FAM227A: variants seen among roughly 807,000 people sequenced by gnomAD.
The protein encoded by FAM227A is protein FAM227A.
A neutral mutation model predicts 74.7 loss-of-function variants in FAM227A; 80 were observed. The ratio of observed to expected loss-of-function variants is 1.07; its 90% CI spans 0.89 to 1.29. The LOEUF is 1.29. Ranked by LOEUF, FAM227A falls within the 50% of genes most tolerant of loss-of-function variation. FAM227A has a pLI of 0.00. For synonymous variants in FAM227A, 237 were observed against 241.8 expected, an observed-to-expected ratio of 0.98 and a Z score of 0.19; for missense variants, 654 against 683.4, an observed-to-expected ratio of 0.96 and a Z score of 0.48.
intron 14 of FAM227A, among the ~76,000 whole-genome samples, chr22:38,599,504 G>A (rs949244233): frequency 6.6e-5 from 10 of 152,158 alleles, no homozygotes; most frequent in African/African-American, 2.2e-4. Context: ...ATTCTGGTAG[G>A]TGGAAAACAG....
intron 13 of FAM227A, among the ~76,000 whole-genome samples, chr22:38,601,466 C>G (rs965247212): frequency 6.6e-6 from 1 of 151,958 alleles, no homozygotes; most frequent in African/African-American, 2.4e-5. Flanking sequence ...GCAGAGGGAG[C>G]AGGTGCTGTG....
chr22:38,626,072 A>G, intron 9 of FAM227A, 108 bp downstream of exon 9: 1 of 1,118,838 alleles, frequency 8.9e-7, no homozygotes, highest in Non-Finnish European at 1.3e-6. Flanking sequence ...GAGAAAAGAG[A>G]GAATGCCTTC....
intron 3 of FAM227A, 57 bp from the exon 4 acceptor site, chr22:38,639,781 G>A: frequency 1.6e-6 from 2 of 1,234,848 alleles, no homozygotes; most frequent in Admixed American, 4.0e-5. Context: ...CTGGAGAAGG[G>A]TGGGGTTAGG....
At chr22:38,633,574 A>T (rs1407550646) in intron 6 of FAM227A, among the ~76,000 whole-genome samples, 1 of 152,162 alleles carries the variant, frequency 6.6e-6, no homozygotes, top group African/African-American at 2.4e-5. Flanking sequence ...ATGGAGTCTC[A>T]CTATATCCCC....
At chr22:38,610,180 AT>A (rs201557649) in intron 11 of FAM227A, among the ~76,000 whole-genome samples, 1 of 151,648 alleles carries the variant, frequency 6.6e-6, no homozygotes, top group East Asian at 2.0e-4. Context: ...CACCTGGCTA[AT>A]TTAAAAAAAA....
chr22:38,617,136 G>A (rs2091594909), intron 11 of FAM227A, among the ~76,000 whole-genome samples: 1 of 152,108 alleles, frequency 6.6e-6, no homozygotes, highest in South Asian at 2.1e-4. Flanking sequence ...AGCACTGAGT[G>A]CCCTTCTGAG....
At chr22:38,628,060 C>T (rs891482462) in intron 8 of FAM227A, among the ~76,000 whole-genome samples, 178 bp downstream of exon 8, 4 of 152,030 alleles carry the variant, frequency 2.6e-5, no homozygotes, top group Non-Finnish European at 2.9e-5. Context: ...TTGCATCTCC[C>T]GATCAGTATA....
intron 11 of FAM227A, 73 bp from the exon 12 acceptor site, chr22:38,607,549 G>T: frequency 9.5e-7 from 1 of 1,050,032 alleles, no homozygotes; most frequent in Non-Finnish European, 1.4e-6. Context: ...GGCAGTGAGA[G>T]AAATACAAAA....
In FAM227A at chr22:38,582,213, A is replaced by C; in HGVS notation, c.*3912T>G. On this transcript the variant is annotated 3_prime_UTR_variant, in exon 17 of 17. Coordinates refer to ENST00000535113, the MANE Select transcript of FAM227A (RefSeq NM_001013647.2). ...TTTGGGCCTCTTTGTAACCCCTTCCAGCTTCCCTCCTATCCCCTCTCCAGC... is the reference window on the plus strand; with the variant it reads ...TTTGGGCCTCTTTGTAACCCCTTCCCGCTTCCCTCCTATCCCCTCTCCAGC... 1 of 875,898 alleles carries C rather than the reference A, an allele frequency of 1.1e-6. No homozygotes were observed. Among genetic ancestry groups the C allele is most frequent in the Non-Finnish European group, 1.7e-6 (1 of 580,492 alleles). 54.3% of individuals were successfully genotyped at this position (875,898 alleles called of 1,614,324 possible).
At chr22:38,650,360 T>C in intron 1 of FAM227A, 98 bp from the exon 2 acceptor site, 1 of 585,508 alleles carries the variant, frequency 1.7e-6, no homozygotes, top group Non-Finnish European at 3.0e-6. Flanking sequence ...AAAGCACATG[T>C]CCCATGCCTG....
At position 38,650,082 on chromosome 22, in the gene FAM227A, G is replaced by A. The variant is rs115987181; in HGVS notation, c.87C>T (p.Val29=). 703 of 1,552,038 alleles carry A rather than the reference G, an allele frequency of 4.5e-4. 4 individuals are homozygous for A. In the African/African-American group the frequency reaches 8.9e-3, roughly 20 times the overall value. The change falls in exon 2 of 17, where the codon GTC becomes GTT. Residue 29 remains valine, a synonymous_variant. Transcript: ENST00000535113. ...CAGTCTTCACCATTGTATTCCGTGCGACAAGCGAGACAGCCAGGTGCTCAT... is the reference window on the plus strand; with the variant it reads ...CAGTCTTCACCATTGTATTCCGTGCAACAAGCGAGACAGCCAGGTGCTCAT... The part of the protein sequence containing the change: ...PVDEHLAVSL[V]ARNTMVKTVR...
At chr22:38,648,917 A>G (rs1463474306) in intron 2 of FAM227A, among the ~76,000 whole-genome samples, 1 of 151,516 alleles carries the variant, frequency 6.6e-6, no homozygotes, top group African/African-American at 2.4e-5. Context: ...GGTTGCAGTG[A>G]GCCGAGTCTA....
intron 9 of FAM227A, among the ~76,000 whole-genome samples, chr22:38,625,667 C>T (rs1328392513): frequency 6.6e-6 from 1 of 152,068 alleles, no homozygotes; most frequent in East Asian, 1.9e-4. Context: ...GATTAGGGGC[C>T]AGGCGCCATG....
rs533403520 is a variant in FAM227A at position 38,655,400 on chromosome 22, G to A, written c.-95+720C>T. 1.3e-3 allele frequency among the ~76,000 whole-genome samples: 198 copies of A among 151,882 alleles called. 2 individuals carry two copies. The highest frequency in any genetic ancestry group is 4.6e-3 in the African/African-American group (192 of 41,432). On this transcript the variant is annotated intron_variant, in intron 1 of 16. Coordinates refer to ENST00000535113, the MANE Select transcript of FAM227A (RefSeq NM_001013647.2). ...CAAAAAATTAGCCGGGCATGGTGGT[G>A]GGTGCCTGTAATTCCAGCTACTTGG...
At chr22:38,627,215 G>A (rs1332510920) in intron 8 of FAM227A, among the ~76,000 whole-genome samples, 1 of 151,844 alleles carries the variant, frequency 6.6e-6, no homozygotes, top group Non-Finnish European at 1.5e-5. Context: ...GTATATATGT[G>A]TAGTCACATT....
chr22:38,630,984 G>A (rs1464043675), intron 6 of FAM227A, among the ~76,000 whole-genome samples: 3 of 152,108 alleles, frequency 2.0e-5, no homozygotes, highest in Non-Finnish European at 2.9e-5. Context: ...TCTGGCCAAC[G>A]TGGTGAAACC....
chr22:38,609,907 G>C (rs541589116), intron 11 of FAM227A, among the ~76,000 whole-genome samples: 133 of 152,162 alleles, frequency 8.7e-4, no homozygotes, highest in African/African-American at 3.1e-3. Context: ...GAGTAGCTGG[G>C]ACTACGGGCG....
At chr22:38,606,314 G>A (rs2091282044) in intron 12 of FAM227A, among the ~76,000 whole-genome samples, 1 of 152,084 alleles carries the variant, frequency 6.6e-6, no homozygotes, top group African/African-American at 2.4e-5. Flanking sequence ...CTACAGATGT[G>A]CACCATGGTG....
intron 15 of FAM227A, among the ~76,000 whole-genome samples, chr22:38,596,047 C>T (rs900942151): frequency 2.6e-5 from 4 of 151,986 alleles, no homozygotes; most frequent in South Asian, 2.1e-4. Flanking sequence ...TGGCTAGGCA[C>T]GGTGGCTCAC....
Sources: gnomAD v4.1 joint callset for allele counts (sites outside exome capture counted in the v4.1 genomes callset) on GRCh38, gnomAD v4.1.1 for gene constraint, MANE v1.5 for transcripts, NCBI Gene and HGNC (gene_info 2026-07-23, HGNC 2026-07-21) for gene names.